Variants in ARID1B observed in about 807,000 individuals in gnomAD.
The protein encoded by ARID1B is AT-rich interactive domain-containing protein 1B.
In ARID1B, 30 loss-of-function variants were observed where a neutral mutation model predicts 212.3. The ratio of observed to expected loss-of-function variants is 0.14; its 90% confidence interval spans 0.11 to 0.19. The LOEUF is 0.19. ARID1B is among the 10% of genes least tolerant of loss of function. The pLI is 1.00. For missense variants in ARID1B, 2,891 were observed against 3,204.0 expected, an observed-to-expected ratio of 0.90 and a Z score of 2.36; for synonymous variants, 1,402 against 1,301.7, an observed-to-expected ratio of 1.08 and a Z score of -1.66.
intron 2 of ARID1B, among the ~76,000 whole-genome samples, chr6:156,839,714 C>T (rs1443993751): frequency 2.6e-5 from 4 of 152,112 alleles, no homozygotes; most frequent in African/African-American, 9.7e-5. Flanking sequence ...CCAGGAATGG[C>T]GGTTAAGGGG....
chr6:156,803,204 A>C (rs865964514), intron 1 of ARID1B, among the ~76,000 whole-genome samples: 1 of 152,204 alleles, frequency 6.6e-6, no homozygotes, highest in African/African-American at 2.4e-5. Context: ...ATTTTCGTGC[A>C]TGTGGTCTTG....
chr6:156,986,272 T>C (rs1403491365), intron 4 of ARID1B, among the ~76,000 whole-genome samples: 2 of 152,232 alleles, frequency 1.3e-5, no homozygotes, highest in East Asian at 3.8e-4. Flanking sequence ...TGGGAAGGTA[T>C]TGGATTTTTA....
intron 4 of ARID1B, among the ~76,000 whole-genome samples, chr6:157,044,287 G>T (rs1331549763): frequency 6.6e-6 from 1 of 152,088 alleles, no homozygotes; most frequent in Non-Finnish European, 1.5e-5. Flanking sequence ...TTAAAATAAG[G>T]TATTTTCAAC....
At position 157,073,118 on chromosome 6, in the gene ARID1B, T is replaced by C. The variant is rs563535683; in HGVS notation, c.2248-11544T>C. Among the ~76,000 whole-genome samples the C allele has an allele frequency of 5.6e-3, 850 of 151,464 alleles. 11 individuals are homozygous for C. Among genetic ancestry groups the C allele is most frequent in the African/African-American group, 0.02 (818 of 40,994 alleles). ...TCACCCCATCTTTTTTTTTTTTTTTTTGGAGACACAGCCTCACTCTGTCGC... is the reference window on the plus strand; with the variant it reads ...TCACCCCATCTTTTTTTTTTTTTTTCTGGAGACACAGCCTCACTCTGTCGC... On this transcript the variant is annotated intron_variant, in intron 4 of 19. Coordinates refer to ENST00000636930, the MANE Select transcript of ARID1B (RefSeq NM_001374828.1).
Position 156,963,900 on chromosome 6 carries a change from G to A in ARID1B, c.2247+28324G>A, listed in dbSNP as rs545513215. 2.2e-4 allele frequency among the ~76,000 whole-genome samples: 33 copies of A among 152,368 alleles called. No homozygotes were observed. In the East Asian group the frequency reaches 6.2e-3, roughly 28 times the overall value. On this transcript the variant is annotated intron_variant, in intron 4 of 19. Coordinates refer to ENST00000636930, the MANE Select transcript of ARID1B (RefSeq NM_001374828.1). ...CATGAACTATGCCCACGTGGCTTAA[G>A]TTTGGATTCTGGAAACGGTTTTCTG...
intron 6 of ARID1B, among the ~76,000 whole-genome samples, chr6:157,130,798 C>T (rs1202895859): frequency 6.6e-6 from 1 of 152,218 alleles, no homozygotes; most frequent in Non-Finnish European, 1.5e-5. Flanking sequence ...TTCGAAGCTA[C>T]TGCTTTAGGT....
intron 2 of ARID1B, among the ~76,000 whole-genome samples, chr6:156,891,865 T>G (rs531709232): frequency 1.4e-5 from 2 of 145,842 alleles, no homozygotes; most frequent in African/African-American, 5.3e-5. Flanking sequence ...CCTTTTCTTT[T>G]TCTTTTCTGT....
chr6:156,930,069 A>G (rs1791574078), intron 3 of ARID1B, among the ~76,000 whole-genome samples: 4 of 152,210 alleles, frequency 2.6e-5, no homozygotes, highest in Admixed American at 6.5e-5. Context: ...TGTTAAGAAC[A>G]ATTTGCCAGT....
At chr6:156,994,063 T>A (rs1778432584) in intron 4 of ARID1B, among the ~76,000 whole-genome samples, 1 of 152,224 alleles carries the variant, frequency 6.6e-6, no homozygotes, top group Admixed American at 6.5e-5. Context: ...AGATGCACAT[T>A]TTTAAACTTT....
chr6:156,821,091 T>G (rs1782320300), intron 1 of ARID1B, among the ~76,000 whole-genome samples: 1 of 152,228 alleles, frequency 6.6e-6, no homozygotes, highest in Non-Finnish European at 1.5e-5. Context: ...TACTGTAATA[T>G]GTCAGATCCA....
rs2128046649 is a variant in ARID1B at position 156,829,348 on chromosome 6, C to T, written c.1913C>T (p.Pro638Leu). ...GGAGGTTCCTATGGCCCTCCAGGCC[C>T]ACAGCGGTATCCAATTGGCATCCAG... ...YPGGSYGPPG[P>L]QRYPIGIQGR... The change falls in exon 2 of 20, where the codon CCA becomes CTA. Residue 638 changes from proline to leucine, a missense_variant. Physicochemically the swap from Pro to Leu is moderately conservative, Grantham distance 98 (BLOSUM62 -3). This residue lies in a region of ARID1B where 1,643 missense variants were observed against 1,544.0 expected (regional missense o/e 1.06). Transcript: ENST00000636930. 1.2e-6 allele frequency: 2 copies of T among 1,614,222 alleles called. No individual in the cohort carries two copies. Among genetic ancestry groups the T allele is most frequent in the East Asian group, 4.5e-5 (2 of 44,884 alleles).
At chr6:157,173,582 T>C (rs1476171385) in intron 9 of ARID1B, 1 of 153,912 alleles carries the variant, frequency 6.5e-6, no homozygotes, top group African/African-American at 2.4e-5. Flanking sequence ...ATAGATTATT[T>C]GCACTTATGA....
At chr6:157,166,864 G>C (rs1791361846) in intron 8 of ARID1B, 176 bp from the exon 9 acceptor site, 1 of 779,374 alleles carries the variant, frequency 1.3e-6, no homozygotes, top group Non-Finnish European at 2.0e-6. Flanking sequence ...GTGTATTAAA[G>C]AGTTACCTAG....
intron 4 of ARID1B, chr6:157,071,687 A>G (rs1784013899): frequency 6.6e-6 from 1 of 152,228 alleles, no homozygotes; most frequent in African/African-American, 2.4e-5. Context: ...TGAAAGAATA[A>G]CAATTTATTT....
intron 4 of ARID1B, among the ~76,000 whole-genome samples, chr6:156,954,600 T>A (rs1431328746): frequency 1.3e-5 from 2 of 152,198 alleles, no homozygotes; most frequent in African/African-American, 4.8e-5. Context: ...TTATGAGGTA[T>A]TTTATTTGTG....
intron 4 of ARID1B, among the ~76,000 whole-genome samples, chr6:157,020,887 CT>C (rs1780193915): frequency 1.3e-5 from 2 of 152,174 alleles, no homozygotes; most frequent in Admixed American, 1.3e-4. Flanking sequence ...TAACCTGGAA[CT>C]TATGGCTAGA....
At chr6:156,970,040 G>A (rs924038740) in intron 4 of ARID1B, among the ~76,000 whole-genome samples, 5 of 142,608 alleles carry the variant, frequency 3.5e-5, no homozygotes, top group African/African-American at 9.9e-5. Flanking sequence ...AAGAATAAAA[G>A]CTTTGACTTT....
chr6:156,818,584 G>T (rs913381181), intron 1 of ARID1B, among the ~76,000 whole-genome samples: 1 of 152,088 alleles, frequency 6.6e-6, no homozygotes, highest in Non-Finnish European at 1.5e-5. Context: ...CTTGAGAGGT[G>T]GGGAAATTGA....
chr6:156,911,408 C>T (rs1789880335), intron 3 of ARID1B, among the ~76,000 whole-genome samples: 1 of 127,074 alleles, frequency 7.9e-6, no homozygotes. Flanking sequence ...AAAGTAGTGT[C>T]GGCTGTGGCA....
Sources: allele counts gnomAD v4.1 joint callset (sites outside exome capture counted in the v4.1 genomes callset), GRCh38; gene constraint gnomAD v4.1.1; regional missense constraint gnomAD v4.1.1; transcripts MANE v1.5; gene names NCBI Gene and HGNC (gene_info 2026-07-23, HGNC 2026-07-21).